Variants in EGFR observed in about 807,000 individuals in gnomAD.
EGFR encodes avian erythroblastic leukemia viral (v-erb-b) oncogene homolog.
EGFR carries 58 observed loss-of-function variants against 143.0 expected under a neutral mutation model. That is an observed-to-expected ratio of 0.41 (90% CI 0.33 to 0.50). The LOEUF (loss-of-function observed/expected upper bound fraction) is 0.50. EGFR is among the 20% of genes least tolerant of loss of function. The pLI is 0.39. For missense variants in EGFR, 1,307 were observed against 1,579.0 expected (o/e 0.83, Z 2.92); for synonymous variants, 613 against 594.4 (o/e 1.03, Z -0.45).
chr7:55,149,242 T>A (rs530004619), intron 4 of EGFR, among the ~76,000 whole-genome samples: 3 of 152,142 alleles, frequency 2.0e-5, no homozygotes, highest in Admixed American at 6.6e-5. Flanking sequence ...AGGGTTAATA[T>A]CCTTGCTATA....
At chr7:55,069,804 A>T (rs1194979084) in intron 1 of EGFR, among the ~76,000 whole-genome samples, 1 of 152,214 alleles carries the variant, frequency 6.6e-6, no homozygotes, top group East Asian at 1.9e-4. Context: ...CCTTACAAGG[A>T]ACCCCCATAG....
chr7:55,190,535 A>G (rs1183038398), intron 20 of EGFR, among the ~76,000 whole-genome samples: 1 of 151,894 alleles, frequency 6.6e-6, no homozygotes, highest in Non-Finnish European at 1.5e-5. Context: ...ACAATTTGCC[A>G]GAAAACTTGG....
chr7:55,091,513 C>T (rs540116115), intron 1 of EGFR, among the ~76,000 whole-genome samples: 182 of 152,256 alleles, frequency 1.2e-3, no homozygotes, highest in Non-Finnish European at 2.2e-3. Context: ...TATCCACACC[C>T]CTCCCACCTC....
chr7:55,183,958 G>A (rs1787011749), intron 20 of EGFR, among the ~76,000 whole-genome samples: 1 of 152,222 alleles, frequency 6.6e-6, no homozygotes. Context: ...GGCCATCCGT[G>A]TGAAATGTGT....
intron 1 of EGFR, among the ~76,000 whole-genome samples, chr7:55,077,111 G>A (rs1037228034): frequency 3.3e-5 from 5 of 152,058 alleles, no homozygotes; most frequent in African/African-American, 1.2e-4. Context: ...ATGTCTTCAT[G>A]AGGTCAATTA....
At chr7:55,036,951 T>C (rs1408830785) in intron 1 of EGFR, among the ~76,000 whole-genome samples, 3 of 152,154 alleles carry the variant, frequency 2.0e-5, no homozygotes, top group African/African-American at 7.2e-5. Context: ...TGTGGAGCCA[T>C]ATTCAGAGCA....
intron 20 of EGFR, chr7:55,181,794 G>C: frequency 2.4e-6 from 1 of 424,686 alleles, no homozygotes; most frequent in South Asian, 2.2e-5. Context: ...GTGATTTGTA[G>C]TGGAGAAGGA....
In EGFR at chr7:55,209,127, G is replaced by A. The variant is rs1025510350; in HGVS notation, c.*3510G>A. On this transcript the variant is annotated 3_prime_UTR_variant, in exon 28 of 28. Coordinates refer to ENST00000275493, the MANE Select transcript of EGFR (RefSeq NM_005228.5). Reference sequence around the variant, plus strand: ...AATCATCTGTGGAGCTTCAAAAGAAGGGGCCTGGAGTCTCTGCAGACCAAT... The same window carrying A: ...AATCATCTGTGGAGCTTCAAAAGAAAGGGCCTGGAGTCTCTGCAGACCAAT... 2 of 151,988 alleles carry A rather than the reference G, an allele frequency of 1.3e-5. No homozygotes were observed. Among genetic ancestry groups the A allele is most frequent in the African/African-American group, 4.8e-5 (2 of 41,368 alleles). The allele number at this position is 151,988 out of a possible 1,614,324, so 9.4% of individuals were successfully genotyped here. A position where few individuals can be genotyped will look rare whatever the true frequency, so the allele number is the denominator to read the frequency against.
chr7:55,129,938 G>C (rs936818253), intron 1 of EGFR, among the ~76,000 whole-genome samples: 1 of 152,232 alleles, frequency 6.6e-6, no homozygotes, highest in Non-Finnish European at 1.5e-5. Context: ...GTCACGCCTA[G>C]CCTGCCACCT....
At chr7:55,171,494 C>T (rs1436275356) in intron 16 of EGFR, among the ~76,000 whole-genome samples, 5 of 152,254 alleles carry the variant, frequency 3.3e-5, no homozygotes, top group Non-Finnish European at 7.3e-5. Context: ...CCTCTGAATT[C>T]CTTGGTTCCA....
At chr7:55,021,479 C>T (rs1349460034) in intron 1 of EGFR, among the ~76,000 whole-genome samples, 1 of 152,106 alleles carries the variant, frequency 6.6e-6, no homozygotes, top group East Asian at 1.9e-4. Context: ...ATATAAATAC[C>T]ACTTAATTTG....
rs766193740 is a variant in EGFR at position 55,181,367 on chromosome 7, G to C, written c.2358G>C (p.Val786=). Residue 786 remains valine (V), a synonymous_variant, in exon 20 of 28, where the codon GTG becomes GTC. Coordinates refer to ENST00000275493, the MANE Select transcript of EGFR (RefSeq NM_005228.5). ...RLLGICLTST[V]QLITQLMPFG... ...TGGGCATCTGCCTCACCTCCACCGT[G>C]CAGCTCATCACGCAGCTCATGCCCT... The C allele has an allele frequency of 6.2e-7, 1 of 1,614,210 alleles. No individual in the cohort carries two copies. Among genetic ancestry groups the C allele is most frequent in the Non-Finnish European group, 8.5e-7 (1 of 1,180,042 alleles).
At chr7:55,087,950 C>T (rs1259726814) in intron 1 of EGFR, among the ~76,000 whole-genome samples, 1 of 152,198 alleles carries the variant, frequency 6.6e-6, no homozygotes, top group African/African-American at 2.4e-5. Context: ...AAAGGCAGCA[C>T]AGGTGTGTAT....
rs2128949632 is a variant in EGFR, at chr7:55,168,731, T to C, written c.1881-2444T>C. The C allele has an allele frequency of 4.5e-6, 3 of 672,200 alleles. No homozygotes were observed. The South Asian group carries it at 7.6e-5, about 17-fold the overall frequency. 41.6% of individuals were successfully genotyped at this position (672,200 alleles called of 1,614,324 possible). A position where few individuals can be genotyped will look rare whatever the true frequency, so the allele number is the denominator to read the frequency against. ...AGTATATAGTTTGATATAATCTTGT[T>C]ATTGCCACCTGTGTCTTCTCCCAAA... On this transcript the variant is annotated intron_variant, in intron 15 of 27. Coordinates refer to ENST00000275493, the MANE Select transcript of EGFR (RefSeq NM_005228.5).
In EGFR at chr7:55,175,129, T is replaced by G. The variant is rs543275504; in HGVS notation, c.2283+309T>G. 1.1e-4 allele frequency among the ~76,000 whole-genome samples: 16 copies of G among 152,332 alleles called. 1 individual carries two copies. In the South Asian group the frequency reaches 3.3e-3, roughly 32 times the overall value. On this transcript the variant is annotated intron_variant, in intron 19 of 27. Coordinates refer to ENST00000275493, the MANE Select transcript of EGFR (RefSeq NM_005228.5). ...GGTGAGCCTGGAGCATGGGTATTGTTTTTGGTATTTTTTGGATGAAGAAAT... is the reference window on the plus strand; with the variant it reads ...GGTGAGCCTGGAGCATGGGTATTGTGTTTGGTATTTTTTGGATGAAGAAAT...
At chr7:55,153,775 C>A (rs1785270672) in intron 6 of EGFR, among the ~76,000 whole-genome samples, 1 of 152,106 alleles carries the variant, frequency 6.6e-6, no homozygotes, top group Non-Finnish European at 1.5e-5. Flanking sequence ...TTATCATAAT[C>A]CATAAATTAT....
In EGFR at chr7:55,141,735, T is replaced by A. The variant is rs17289568; in HGVS notation, c.89-551T>A. Among the ~76,000 whole-genome samples, 381 of 152,358 alleles carry A rather than the reference T, an allele frequency of 2.5e-3. 16 individuals carry two copies. The East Asian group carries it at 0.061, about 24-fold the overall frequency. On this transcript the variant is annotated intron_variant, in intron 1 of 27. Transcript: ENST00000275493. The stretch of plus-strand genomic sequence containing the variant: ...TAGTGTTGTGTACACTACTGCCCAG[T>A]GTATGTTATGTTTGTAAACATTCAT...
At chr7:55,150,770 T>C (rs941782787) in intron 4 of EGFR, among the ~76,000 whole-genome samples, 1 of 152,258 alleles carries the variant, frequency 6.6e-6, no homozygotes, top group African/African-American at 2.4e-5. Context: ...GAAAGTGATC[T>C]GCACTGTTAA....
At chr7:55,192,668 T>A in intron 21 of EGFR, 98 bp from the exon 22 acceptor site, 1 of 1,117,062 alleles carries the variant, frequency 9.0e-7, no homozygotes, top group Non-Finnish European at 1.4e-6. Flanking sequence ...CTGGCTCGTC[T>A]GTGTGTGTCA....
Sources: allele counts gnomAD v4.1 joint callset (sites outside exome capture counted in the v4.1 genomes callset), GRCh38; gene constraint gnomAD v4.1.1; transcripts MANE v1.5; gene names NCBI Gene and HGNC (gene_info 2026-07-23, HGNC 2026-07-21).